XYLT1: variants seen among roughly 807,000 people sequenced by gnomAD.
XYLT1 encodes the protein xylosyltransferase 1.
Under a neutral mutation model 91.3 loss-of-function variants are expected in XYLT1, and 36 were observed. The ratio of observed to expected loss-of-function variants is 0.39; its 90% CI spans 0.30 to 0.52. XYLT1 has a LOEUF of 0.52. XYLT1 is among the 20% of genes least tolerant of loss of function. The pLI is 0.68. For missense variants in XYLT1, 1,242 were observed against 1,284.5 expected (o/e 0.97, Z 0.51); for synonymous variants, 588 against 532.0 (o/e 1.11, Z -1.45).
Position 17,134,630 on chromosome 16 carries a change from T to C in XYLT1, c.1870A>G (p.Thr624Ala). The part of the protein sequence containing the change: ...YYLYGNYPAG[T>A]PGLRSYWENV... ...TCCCAGTAGGAGCGCAGGCCCGGGG[T>C]ACCTGCAGGGTAGTTCCCGTACAGG... Residue 624 changes from threonine (T) to alanine (A), a missense_variant, in exon 9 of 12, where the codon ACC (threonine) becomes GCC (alanine). Thr to Ala is a moderately conservative substitution (Grantham distance 58, BLOSUM62 0). Coordinates refer to ENST00000261381, the MANE Select transcript of XYLT1 (RefSeq NM_022166.4). The C allele has an allele frequency of 1.9e-6, 3 of 1,614,132 alleles. No individual in the cohort carries two copies. The highest frequency in any genetic ancestry group is 2.5e-6 in the Non-Finnish European group (3 of 1,180,030).
intron 10 of XYLT1, among the ~76,000 whole-genome samples, chr16:17,124,126 A>C (rs1255158957): frequency 6.6e-6 from 1 of 152,198 alleles, no homozygotes; most frequent in Non-Finnish European, 1.5e-5. Flanking sequence ...ATTTACATTC[A>C]ACATTAGTAT....
intron 10 of XYLT1, among the ~76,000 whole-genome samples, chr16:17,119,569 G>A (rs1200536919): frequency 6.6e-6 from 1 of 152,210 alleles, no homozygotes; most frequent in Admixed American, 6.5e-5. Flanking sequence ...GAGGTACTAT[G>A]TCAGTCCATT....
In XYLT1 at chr16:17,357,977, C is replaced by A. The variant is rs180795934; in HGVS notation, c.402+35G>T. The A allele has an allele frequency of 6.8e-5, 109 of 1,610,462 alleles. No homozygotes were observed. In the East Asian group the frequency reaches 2.4e-3, roughly 36 times the overall value. On this transcript the variant is annotated intron_variant, in intron 2 of 11. Coordinates refer to ENST00000261381, the MANE Select transcript of XYLT1 (RefSeq NM_022166.4). Reference sequence around the variant, plus strand: ...CCCCTTGAGAGCTGGAATACTAAGGCTGAGATAAGTGGCCAAGACAGGAAA... The same window carrying A: ...CCCCTTGAGAGCTGGAATACTAAGGATGAGATAAGTGGCCAAGACAGGAAA...
At chr16:17,467,080 A>C (rs1452711808) in intron 1 of XYLT1, among the ~76,000 whole-genome samples, 1 of 152,200 alleles carries the variant, frequency 6.6e-6, no homozygotes, top group African/African-American at 2.4e-5. Context: ...AGCATGAGGA[A>C]TTTCTGCCGA....
rs553766682 is a variant in XYLT1 at position 17,443,088 on chromosome 16, G to T, written c.363+27346C>A. ...CTCAACTCTGTGACCTCAGGCAAGG[G>T]TCTTAAATGCTTTTGTAAAATAAGT... On this transcript the variant is annotated intron_variant, in intron 1 of 11. Transcript: ENST00000261381. 5.3e-5 allele frequency among the ~76,000 whole-genome samples: 8 copies of T among 152,146 alleles called. No homozygotes were observed. In the South Asian group the frequency reaches 1.7e-3, roughly 32 times the overall value.
chr16:17,356,802 G>T (rs2035300489), intron 2 of XYLT1, among the ~76,000 whole-genome samples: 2 of 152,112 alleles, frequency 1.3e-5, no homozygotes, highest in South Asian at 4.2e-4. Context: ...CAAACCCAAA[G>T]AGCTAAGGAA....
At chr16:17,198,100 G>T in intron 5 of XYLT1, 112 bp downstream of exon 5, 1 of 1,102,732 alleles carries the variant, frequency 9.1e-7, no homozygotes, top group Non-Finnish European at 1.3e-6. Flanking sequence ...CCTATCCTGA[G>T]CGATCCTGTG....
At chr16:17,195,072 G>A (rs1223232323) in intron 5 of XYLT1, among the ~76,000 whole-genome samples, 3 of 152,172 alleles carry the variant, frequency 2.0e-5, no homozygotes, top group South Asian at 2.1e-4. Context: ...TATAAGAAAC[G>A]GTGATTCTCA....
At chr16:17,458,637 G>A (rs890244237) in intron 1 of XYLT1, among the ~76,000 whole-genome samples, 24 of 152,258 alleles carry the variant, frequency 1.6e-4, no homozygotes, top group Admixed American at 7.2e-4. Flanking sequence ...CTTCAAACTG[G>A]TTAAGTTGAC....
At chr16:17,161,800 C>T (rs1387215415) in intron 5 of XYLT1, among the ~76,000 whole-genome samples, 2 of 151,988 alleles carry the variant, frequency 1.3e-5, no homozygotes, top group South Asian at 2.1e-4. Flanking sequence ...CAATTTCCTC[C>T]TACTTTTTGC....
chr16:17,350,428 C>T (rs1300316796), intron 2 of XYLT1, among the ~76,000 whole-genome samples: 1 of 152,224 alleles, frequency 6.6e-6, no homozygotes, highest in Admixed American at 6.5e-5. Flanking sequence ...CTGAGAATGA[C>T]TCCATGCTCC....
intron 2 of XYLT1, among the ~76,000 whole-genome samples, chr16:17,334,233 C>T (rs2034944908): frequency 6.6e-6 from 1 of 152,120 alleles, no homozygotes; most frequent in African/African-American, 2.4e-5. Flanking sequence ...ACAACTTAGG[C>T]CGGGGCTTTA....
At chr16:17,346,647 G>A (rs992850342) in intron 2 of XYLT1, among the ~76,000 whole-genome samples, 2 of 152,180 alleles carry the variant, frequency 1.3e-5, no homozygotes, top group African/African-American at 4.8e-5. Context: ...TTGAGTCCAG[G>A]GCCATGAAAT....
chr16:17,461,034 C>T (rs1308045139), intron 1 of XYLT1, among the ~76,000 whole-genome samples: 4 of 152,210 alleles, frequency 2.6e-5, no homozygotes, highest in African/African-American at 9.6e-5. Flanking sequence ...GGCAAAGTGC[C>T]ATACCACCGA....
chr16:17,135,992 AAC>A (rs2030704588), intron 8 of XYLT1, among the ~76,000 whole-genome samples: 1 of 152,158 alleles, frequency 6.6e-6, no homozygotes, highest in African/African-American at 2.4e-5. Context: ...AGACAAATAA[AAC>A]ACAGGTCTCT....
At chr16:17,253,859 A>AGAGAGAGAGAGAGC (rs1555491314) in intron 3 of XYLT1, among the ~76,000 whole-genome samples, 50 of 146,248 alleles carry the variant, frequency 3.4e-4, no homozygotes, top group African/African-American at 1.2e-3. Flanking sequence ...AGAGAGAGAG[A>AGAGAGAGAGAGAGC]GAGCGAGCCT....
chr16:17,411,187 C>T (rs2036102798), intron 1 of XYLT1, among the ~76,000 whole-genome samples: 4 of 152,184 alleles, frequency 2.6e-5, no homozygotes, highest in Admixed American at 6.5e-5. Flanking sequence ...GTGAAACTTA[C>T]AGAAGTCAAT....
chr16:17,263,859 C>A (rs2033761962), intron 2 of XYLT1, among the ~76,000 whole-genome samples: 1 of 152,106 alleles, frequency 6.6e-6, no homozygotes, highest in Non-Finnish European at 1.5e-5. Context: ...CAGGTGTGTG[C>A]TACCACGCCC....
chr16:17,376,002 C>G (rs1180076179), intron 1 of XYLT1, among the ~76,000 whole-genome samples: 1 of 152,234 alleles, frequency 6.6e-6, no homozygotes, highest in East Asian at 1.9e-4. Context: ...TGCGTCAGAG[C>G]CTGTACTGTT....
Sources: gnomAD v4.1 joint callset for allele counts (sites outside exome capture counted in the v4.1 genomes callset) on GRCh38, gnomAD v4.1.1 for gene constraint, MANE v1.5 for transcripts, NCBI Gene and HGNC (gene_info 2026-07-23, HGNC 2026-07-21) for gene names.